The following EIF3H variants were observed in gnomAD, a reference collection of about 807,000 sequenced individuals.
EIF3H encodes eukaryotic translation initiation factor 3 subunit H.
In EIF3H, 26 loss-of-function variants were observed where a neutral mutation model predicts 44.2. The ratio of observed to expected loss-of-function variants is 0.59; its 90% confidence interval spans 0.43 to 0.82. The LOEUF (loss-of-function observed/expected upper bound fraction) is 0.82. Ranked by LOEUF, EIF3H falls within the 40% of genes least tolerant of loss-of-function variation. The pLI is 0.00. For synonymous variants in EIF3H, 166 were observed against 151.9 expected (o/e 1.09, Z -0.68); for missense variants, 359 against 432.8 (o/e 0.83, Z 1.51).
intron 5 of EIF3H, among the ~76,000 whole-genome samples, chr8:116,650,125 T>C (rs1250663036): frequency 6.6e-6 from 1 of 152,134 alleles, no homozygotes; most frequent in Non-Finnish European, 1.5e-5. Flanking sequence ...TATCCTGGAG[T>C]TGTGCATGTT....
rs1247935144 is a variant in EIF3H, at chr8:116,660,423, TAGG to T, written c.290-1446_290-1444del. 2.0e-5 allele frequency among the ~76,000 whole-genome samples: 3 copies of T among 152,328 alleles called. No individual in the cohort carries two copies. The East Asian group carries it at 5.8e-4, about 29-fold the overall frequency. On this transcript the variant is annotated intron_variant, in intron 2 of 7. Coordinates refer to ENST00000521861, the MANE Select transcript of EIF3H (RefSeq NM_003756.3). ...ACACAGTCTGATTTTTCATTACTTG[TAGG>T]AGAAGAAGTTATAAATCTGCTTATT...
chr8:116,700,123 ATTTTTT>A (rs1389318817), intron 2 of EIF3H, among the ~76,000 whole-genome samples: 1 of 152,006 alleles, frequency 6.6e-6, no homozygotes, highest in African/African-American at 2.4e-5. Flanking sequence ...TTTTATTTTT[ATTTTTT>A]AATGGAAACA....
At chr8:116,647,263 G>A (rs774700201) in intron 6 of EIF3H, among the ~76,000 whole-genome samples, 3 of 151,894 alleles carry the variant, frequency 2.0e-5, no homozygotes, top group Non-Finnish European at 4.4e-5. Context: ...CACCACACCC[G>A]GCTAATTTTT....
At chr8:116,718,306 T>C (rs948539842) in intron 2 of EIF3H, among the ~76,000 whole-genome samples, 1 of 152,126 alleles carries the variant, frequency 6.6e-6, no homozygotes, top group Non-Finnish European at 1.5e-5. Flanking sequence ...AAACAGTGTG[T>C]GGTGACTGCT....
intron 2 of EIF3H, among the ~76,000 whole-genome samples, chr8:116,659,757 AAC>A (rs1317189057): frequency 2.6e-5 from 4 of 152,330 alleles, no homozygotes; most frequent in East Asian, 1.9e-4. Context: ...TTACCAGAAA[AAC>A]AGATTAAAAC....
At chr8:116,746,693 C>T (rs570915567) in intron 1 of EIF3H, among the ~76,000 whole-genome samples, 12 of 152,248 alleles carry the variant, frequency 7.9e-5, no homozygotes, top group East Asian at 3.9e-4. Context: ...TAATAATGTA[C>T]GCTAAATGAT....
At chr8:116,687,603 G>A (rs1437387542) in intron 2 of EIF3H, among the ~76,000 whole-genome samples, 1 of 152,134 alleles carries the variant, frequency 6.6e-6, no homozygotes, top group Non-Finnish European at 1.5e-5. Flanking sequence ...TGAAGGGTCA[G>A]GAAACATTTG....
upstream of EIF3H, among the ~76,000 whole-genome samples, chr8:116,757,570 C>T (rs1307065507): frequency 6.6e-6 from 1 of 151,328 alleles, no homozygotes; most frequent in Non-Finnish European, 1.5e-5. Flanking sequence ...GAGATACACT[C>T]AAAATAATGT....
chr8:116,666,311 A>C (rs1813664810), intron 2 of EIF3H, among the ~76,000 whole-genome samples: 1 of 152,174 alleles, frequency 6.6e-6, no homozygotes, highest in South Asian at 2.1e-4. Flanking sequence ...TTTATCTTTA[A>C]AACTAGTACG....
At chr8:116,719,882 G>A (rs1464560393) in intron 2 of EIF3H, among the ~76,000 whole-genome samples, 8 of 152,128 alleles carry the variant, frequency 5.3e-5, no homozygotes, top group African/African-American at 1.9e-4. Context: ...ACGGAATAAT[G>A]ACCTACACTC....
chr8:116,665,476 A>G (rs1447657215), intron 2 of EIF3H, among the ~76,000 whole-genome samples: 2 of 152,200 alleles, frequency 1.3e-5, no homozygotes, highest in African/African-American at 4.8e-5. Flanking sequence ...CAGATCTAGT[A>G]CATGTTCTTT....
chr8:116,677,973 C>T (rs962736632), intron 2 of EIF3H, among the ~76,000 whole-genome samples: 1 of 152,180 alleles, frequency 6.6e-6, no homozygotes, highest in Admixed American at 6.5e-5. Flanking sequence ...TATATTCATG[C>T]TTTCAAGAGT....
intron 1 of EIF3H, among the ~76,000 whole-genome samples, chr8:116,742,624 G>A (rs1231798928): frequency 6.6e-6 from 1 of 152,134 alleles, no homozygotes; most frequent in African/African-American, 2.4e-5. Context: ...TTACATTCAA[G>A]TTTATTAGAT....
In EIF3H at chr8:116,645,096, T is replaced by C; in HGVS notation, c.969A>G (p.Ile323Met). The change falls in exon 8 of 8, where the codon ATA (isoleucine) becomes ATG (methionine). Residue 323 changes from isoleucine (I) to methionine (M), a missense_variant. Around this residue, in one of 5 missense-constraint regions of EIF3H, gnomAD observed 94 missense variants for 96.0 expected, o/e 0.98. Transcript: ENST00000521861. ...RMDSLLIAGQ[I>M]NTYCQNIKEF... ...CCTTGATGTTCTGGCAGTAAGTGTT[T>C]ATCTGGCCTGTGCATTTGAGAAAGA... is the stretch of plus-strand genomic sequence containing the variant. 1 of 1,613,802 alleles carries C rather than the reference T, an allele frequency of 6.2e-7. No homozygotes were observed. The highest frequency in any genetic ancestry group is 1.1e-5 in the South Asian group (1 of 91,074).
At chr8:116,751,938 C>A (rs1373844938) in intron 1 of EIF3H, among the ~76,000 whole-genome samples, 2 of 152,114 alleles carry the variant, frequency 1.3e-5, no homozygotes, top group Non-Finnish European at 2.9e-5. Context: ...CAGTCTGGCT[C>A]CAGAGCATGT....
Position 116,668,161 on chromosome 8 carries a change from C to A in EIF3H, c.290-9181G>T, listed in dbSNP as rs1433137879. On this transcript the variant is annotated intron_variant, in intron 2 of 7. Transcript: ENST00000521861. ...TGAGTAGACTTTGTTTTCCTCAAGG[C>A]AAAAATCATTTAGAACATTTCTAAA... Among the ~76,000 whole-genome samples the A allele has an allele frequency of 3.3e-5, 5 of 152,122 alleles. No individual in the cohort carries two copies. The East Asian group carries it at 9.6e-4, about 29-fold the overall frequency.
chr8:116,657,239 T>C lies in EIF3H; in HGVS notation c.533A>G (p.Lys178Arg). 1.2e-6 allele frequency: 2 copies of C among 1,613,686 alleles called. No individual in the cohort carries two copies. Among genetic ancestry groups the C allele is most frequent in the East Asian group, 2.2e-5 (1 of 44,866 alleles). Reference protein sequence around the residue: ...RLTPKLMEVCKEKDFSPEALK... With the variant: ...RLTPKLMEVCREKDFSPEALK... ...CGCTTCAGGGGAAAAATCCTTTTCT[T>C]TACAAACTTCCATCAGTTTAGGAGT... is the stretch of plus-strand genomic sequence containing the variant. Residue 178 changes from lysine (K) to arginine (R), a missense_variant, in exon 4 of 8, where the codon AAA becomes AGA. By Grantham distance (26) the Lys-to-Arg change is conservative. Coordinates refer to ENST00000521861, the MANE Select transcript of EIF3H (RefSeq NM_003756.3).
chr8:116,647,159 C>G (rs1227904916), intron 6 of EIF3H, among the ~76,000 whole-genome samples: 1 of 151,898 alleles, frequency 6.6e-6, no homozygotes, highest in Non-Finnish European at 1.5e-5. Context: ...AATCTTGGCT[C>G]ACTGCAGCCT....
At chr8:116,667,274 T>A (rs1813685646) in intron 2 of EIF3H, among the ~76,000 whole-genome samples, 1 of 152,204 alleles carries the variant, frequency 6.6e-6, no homozygotes, top group African/African-American at 2.4e-5. Flanking sequence ...TAACCCTGAA[T>A]GAAATTACCC....
Sources: gnomAD v4.1 joint callset for allele counts (sites outside exome capture counted in the v4.1 genomes callset) on GRCh38, gnomAD v4.1.1 for gene constraint, gnomAD v4.1.1 regional missense constraint, MANE v1.5 for transcripts, NCBI Gene and HGNC (gene_info 2026-07-23, HGNC 2026-07-21) for gene names.